KLHL1: variants seen among roughly 807,000 people sequenced by gnomAD.
KLHL1 encodes the protein kelch-like protein 1.
A neutral mutation model predicts 77.7 loss-of-function variants in KLHL1; 47 were observed. The ratio of observed to expected loss-of-function variants is 0.60; its 90% CI spans 0.48 to 0.77. KLHL1 has a LOEUF of 0.77. KLHL1 is among the 30% of genes least tolerant of loss of function. The pLI is 0.00. For synonymous variants in KLHL1, 360 were observed against 325.2 expected, an observed-to-expected ratio of 1.11 and a Z score of -1.15; for missense variants, 925 against 910.8, an observed-to-expected ratio of 1.02 and a Z score of -0.20.
chr13:69,754,192 G>A (rs1305448999), intron 7 of KLHL1, among the ~76,000 whole-genome samples: 1 of 152,018 alleles, frequency 6.6e-6, no homozygotes, highest in Non-Finnish European at 1.5e-5. Context: ...TTTAAGAAAT[G>A]ATAGGATTAT....
At chr13:69,800,557 A>G (rs67258245) in intron 6 of KLHL1, among the ~76,000 whole-genome samples, 55,177 of 151,998 alleles carry the variant, frequency 0.36, 10,318 homozygotes, top group African/African-American at 0.43. Flanking sequence ...TATTGTAAAC[A>G]TTTTGTCTTC....
intron 5 of KLHL1, among the ~76,000 whole-genome samples, chr13:69,857,154 C>T (rs1027806144): frequency 4.6e-5 from 7 of 151,974 alleles, no homozygotes; most frequent in African/African-American, 1.7e-4. Context: ...GTAGATTTTC[C>T]AAACACCTTG....
chr13:69,795,660 C>G (rs1285138533), intron 7 of KLHL1, among the ~76,000 whole-genome samples: 1 of 152,122 alleles, frequency 6.6e-6, no homozygotes, highest in African/African-American at 2.4e-5. Flanking sequence ...TACTTAAAAA[C>G]CCTGAATTGG....
chr13:70,082,440 G>A (rs1362752905), intron 1 of KLHL1, among the ~76,000 whole-genome samples: 2 of 151,222 alleles, frequency 1.3e-5, no homozygotes, highest in African/African-American at 4.9e-5. Context: ...TGGGGAAAGG[G>A]ATCAAAATTA....
intron 7 of KLHL1, among the ~76,000 whole-genome samples, chr13:69,769,595 A>G (rs1331837522): frequency 6.6e-6 from 1 of 152,064 alleles, no homozygotes; most frequent in East Asian, 1.9e-4. Flanking sequence ...TCTGAAAAAT[A>G]CTTTTTAGCT....
intron 4 of KLHL1, among the ~76,000 whole-genome samples, chr13:69,899,421 A>G (rs1342986849): frequency 2.0e-5 from 3 of 152,230 alleles, no homozygotes; most frequent in Non-Finnish European, 4.4e-5. Context: ...CATCCTCTGC[A>G]TAAGAAGTAC....
chr13:69,713,143 T>TA (rs1200263522), intron 9 of KLHL1, among the ~76,000 whole-genome samples: 1 of 152,288 alleles, frequency 6.6e-6, no homozygotes, highest in African/African-American at 2.4e-5. Flanking sequence ...TTAATTTTTT[T>TA]ATATTGACTG....
chr13:70,041,556 T>A (rs1886380916), intron 1 of KLHL1, among the ~76,000 whole-genome samples: 1 of 152,124 alleles, frequency 6.6e-6, no homozygotes, highest in African/African-American at 2.4e-5. Flanking sequence ...TTCTACTAGG[T>A]CTATACTACT....
chr13:69,989,681 T>C lies in KLHL1; in HGVS notation c.498-13879A>G, dbSNP rs1160711034. Among the ~76,000 whole-genome samples, 5 of 152,092 alleles carry C rather than the reference T, an allele frequency of 3.3e-5. No homozygotes were observed. In the South Asian group the frequency reaches 1.0e-3, roughly 31 times the overall value. Reference sequence around the variant, plus strand: ...TCATTGTAGAGATCCTTCACTACCCTGGTTAGCTGTATTTCTAGGTATTTT... The same window carrying C: ...TCATTGTAGAGATCCTTCACTACCCCGGTTAGCTGTATTTCTAGGTATTTT... On this transcript the variant is annotated intron_variant, in intron 1 of 10. Transcript: ENST00000377844.
intron 3 of KLHL1, among the ~76,000 whole-genome samples, chr13:69,956,059 T>G (rs1008928182): frequency 2.2e-5 from 3 of 135,680 alleles, no homozygotes; most frequent in African/African-American, 8.3e-5. Context: ...ATATATATAT[T>G]TATATATTTA....
At chr13:69,815,724 CG>C in intron 6 of KLHL1, among the ~76,000 whole-genome samples, 1 of 151,944 alleles carries the variant, frequency 6.6e-6, no homozygotes, top group East Asian at 1.9e-4. Context: ...TTAAAAAAGC[CG>C]TAAATGAACT....
intron 4 of KLHL1, among the ~76,000 whole-genome samples, chr13:69,899,332 A>G (rs73508496): frequency 0.14 from 21,474 of 152,064 alleles, 2,152 homozygotes; most frequent in African/African-American, 0.28. Flanking sequence ...ATACATGGGG[A>G]TAAGAATGCT....
chr13:69,916,491 C>CA (rs1882442420), intron 4 of KLHL1, among the ~76,000 whole-genome samples: 1 of 150,216 alleles, frequency 6.7e-6, no homozygotes, highest in South Asian at 2.1e-4. Context: ...ATCGCAAGGA[C>CA]AAAAAACCAA....
chr13:69,891,245 T>A (rs1349514117), intron 4 of KLHL1, among the ~76,000 whole-genome samples: 1 of 152,058 alleles, frequency 6.6e-6, no homozygotes, highest in African/African-American at 2.4e-5. Context: ...CTTTATTAAT[T>A]CTATAGCACC....
chr13:69,909,124 T>C (rs1187922841), intron 4 of KLHL1, among the ~76,000 whole-genome samples: 1 of 150,626 alleles, frequency 6.6e-6, no homozygotes, highest in Non-Finnish European at 1.5e-5. Flanking sequence ...AATAGAATTC[T>C]ATGTGAAAAG....
At chr13:69,799,814 G>A (rs1877293834) in intron 6 of KLHL1, among the ~76,000 whole-genome samples, 1 of 152,168 alleles carries the variant, frequency 6.6e-6, no homozygotes, top group Non-Finnish European at 1.5e-5. Flanking sequence ...ACGTGGACCA[G>A]TAATGGTCCG....
At position 70,107,708 on chromosome 13, in the gene KLHL1, C is replaced by G. The variant is rs368924182; in HGVS notation, c.-9G>C. The G allele has an allele frequency of 2.2e-5, 33 of 1,512,686 alleles. No individual in the cohort carries two copies. The African/African-American group carries it at 3.8e-4, about 17-fold the overall frequency. 93.7% of individuals were successfully genotyped at this position (1,512,686 alleles called of 1,614,324 possible). On this transcript the variant is annotated 5_prime_UTR_variant, in exon 1 of 11. Transcript: ENST00000377844. ...CGCCCAGAGCCTGACATGCTTTACG[C>G]ACAGAAGGCAAAAGGCTGGCAGCTC...
intron 4 of KLHL1, among the ~76,000 whole-genome samples, chr13:69,908,485 C>T (rs1047635460): frequency 6.8e-6 from 1 of 147,556 alleles, no homozygotes; most frequent in African/African-American, 2.5e-5. Context: ...AGAAGGATAA[C>T]ATTTATATAG....
chr13:70,068,158 G>A (rs565260792), intron 1 of KLHL1, among the ~76,000 whole-genome samples: 17 of 151,846 alleles, frequency 1.1e-4, no homozygotes, highest in African/African-American at 2.2e-4. Flanking sequence ...TGGCTAACAC[G>A]GTGAAAACCC....
Sources: gnomAD v4.1 joint callset for allele counts (sites outside exome capture counted in the v4.1 genomes callset) on GRCh38, gnomAD v4.1.1 for gene constraint, MANE v1.5 for transcripts, NCBI Gene and HGNC (gene_info 2026-07-23, HGNC 2026-07-21) for gene names.